Variants in SYTL5 observed in about 807,000 individuals in gnomAD.
SYTL5 encodes the protein synaptotagmin-like protein 5.
In SYTL5, 34 loss-of-function variants were observed where a neutral mutation model predicts 55.9. That is an observed-to-expected ratio of 0.61 (90% confidence interval 0.46 to 0.81). The LOEUF (loss-of-function observed/expected upper bound fraction) is 0.81, where lower values mean the gene tolerates loss of function less well. SYTL5 is among the 30% of genes least tolerant of loss of function. The probability of loss-of-function intolerance (pLI) is 0.00; values close to 1 mark genes in which losing one functional copy is unlikely to be tolerated. For missense variants in SYTL5, 637 were observed against 546.7 expected, an observed-to-expected ratio of 1.17 and a Z score of -1.65; for synonymous variants, 221 against 188.7, an observed-to-expected ratio of 1.17 and a Z score of -1.40.
chrX:38,113,431 T>A (rs1434712010), intron 13 of SYTL5, among the ~76,000 whole-genome samples: 1 of 112,004 alleles, frequency 8.9e-6, no homozygotes, highest in East Asian at 2.8e-4. Context: ...TTTGGCAGAC[T>A]TTTGTCTGTA....
chrX:38,110,547 C>A, intron 13 of SYTL5, 65 bp downstream of exon 13: 1 of 933,613 alleles, frequency 1.1e-6, no homozygotes, highest in Non-Finnish European at 1.4e-6. Flanking sequence ...ATTGATGTCA[C>A]AGACCTAAAG....
chrX:37,978,879 CAGG>C, the SYTL5 span, among the ~76,000 whole-genome samples: 1 of 111,086 alleles, frequency 9.0e-6, no homozygotes, highest in Non-Finnish European at 1.9e-5. Flanking sequence ...AATGGAGGTT[CAGG>C]AGAAGAAGGA....
At chrX:38,002,266 T>G (rs898575562), upstream of SYTL5, among the ~76,000 whole-genome samples, 1 of 112,301 alleles carries the variant, frequency 8.9e-6, no homozygotes, top group Non-Finnish European at 1.9e-5. Flanking sequence ...AGTCTAACAT[T>G]GTTGGACAGT....
intron 1 of SYTL5, among the ~76,000 whole-genome samples, chrX:38,027,478 A>G (rs1184348585): frequency 9.1e-6 from 1 of 110,447 alleles, no homozygotes; most frequent in Non-Finnish European, 1.9e-5. Flanking sequence ...GTCAGTCTAA[A>G]TTGCAGGAAA....
intron 8 of SYTL5, 144 bp from the exon 9 acceptor site, chrX:38,095,990 G>A (rs1313992623): frequency 2.7e-6 from 1 of 366,269 alleles, no homozygotes. Flanking sequence ...TGAAGTTACT[G>A]ACTCCGACTG....
At position 38,097,979 on chromosome X, in the gene SYTL5, A is replaced by G. The variant is rs1489286644; in HGVS notation, c.1062+1745A>G. Among the ~76,000 whole-genome samples the G allele has an allele frequency of 2.7e-5, 3 of 110,966 alleles. No individual in the cohort carries two copies. The East Asian group carries it at 8.4e-4, about 31-fold the overall frequency. ...CATACTGGGACAACAGGATATCCAA[A>G]TACCACAAAACATAAAAGAACTTTG... On this transcript the variant is annotated intron_variant, in intron 9 of 16. Coordinates refer to ENST00000297875, the MANE Select transcript of SYTL5 (RefSeq NM_138780.3).
At chrX:37,994,891 A>C in the SYTL5 span, 1 of 111,168 alleles carries the variant, frequency 9.0e-6, no homozygotes, top group African/African-American at 3.3e-5. Flanking sequence ...AAGCTATTAA[A>C]CTGTGTAAAT....
Position 38,096,196 on chromosome X carries a change from A to G in SYTL5, c.1024A>G (p.Ser342Gly). The change falls in exon 9 of 17, where the codon AGC (serine) becomes GGC (glycine). Residue 342 changes from serine to glycine, a missense_variant. Ser to Gly is a moderately conservative substitution (Grantham distance 56). Transcript: ENST00000297875. Reference protein sequence around the residue: ...SFTEDSEDTVSIRSKSVPGAL... With the variant: ...SFTEDSEDTVGIRSKSVPGAL... ...TACAGAAGACTCAGAGGATACTGTAAGCATAAGAAGCAAGTCTGTCCCTGG... is the reference window on the plus strand; with the variant it reads ...TACAGAAGACTCAGAGGATACTGTAGGCATAAGAAGCAAGTCTGTCCCTGG... 1 of 1,193,579 alleles carries G rather than the reference A, an allele frequency of 8.4e-7. No homozygotes were observed. Among genetic ancestry groups the G allele is most frequent in the Non-Finnish European group, 1.1e-6 (1 of 881,531 alleles).
At chrX:38,013,448 T>C (rs1602301839) in intron 1 of SYTL5, among the ~76,000 whole-genome samples, 2 of 111,791 alleles carry the variant, frequency 1.8e-5, no homozygotes, top group Admixed American at 9.4e-5. Context: ...AAACATGAAA[T>C]GTAGGTTCAG....
the SYTL5 span, among the ~76,000 whole-genome samples, chrX:37,913,049 G>A: frequency 1.8e-5 from 2 of 111,892 alleles, no homozygotes; most frequent in African/African-American, 6.5e-5. Flanking sequence ...TGGGAGGAGG[G>A]CCCTTTTGTA....
chrX:38,064,940 A>C lies in SYTL5; in HGVS notation c.330-7107A>C, dbSNP rs377504700. ...ACTGATTACTGCAATATTTACATTT[A>C]TTTCTATTATCATTGTGATTCCTGA... On this transcript the variant is annotated intron_variant, in intron 3 of 16. Coordinates refer to ENST00000297875, the MANE Select transcript of SYTL5 (RefSeq NM_138780.3). 2.4e-4 allele frequency among the ~76,000 whole-genome samples: 27 copies of C among 111,048 alleles called. No individual in the cohort carries two copies. In the South Asian group the frequency reaches 0.01, roughly 41 times the overall value.
chrX:37,916,037 T>C, the SYTL5 span, among the ~76,000 whole-genome samples: 1 of 111,365 alleles, frequency 9.0e-6, no homozygotes, highest in Non-Finnish European at 1.9e-5. Flanking sequence ...GAGCACCTAC[T>C]CTACTGTGTG....
the SYTL5 span, among the ~76,000 whole-genome samples, chrX:37,938,308 C>G: frequency 1.8e-5 from 2 of 112,370 alleles, no homozygotes; most frequent in African/African-American, 6.5e-5. Context: ...TGTAGCCCCA[C>G]TAAAGTAGAA....
chrX:38,039,947 G>A (rs111851080), intron 2 of SYTL5, among the ~76,000 whole-genome samples: 25,768 of 110,610 alleles, frequency 0.23, 5,351 homozygotes, highest in African/African-American at 0.66. Flanking sequence ...AGACCAAGGC[G>A]GGCAGATCAT....
At chrX:37,936,282 A>T in the SYTL5 span, among the ~76,000 whole-genome samples, 1 of 112,306 alleles carries the variant, frequency 8.9e-6, no homozygotes, top group East Asian at 2.8e-4. Flanking sequence ...TCTTTAGAAA[A>T]TATAATCTGC....
At chrX:38,054,151 AT>A in intron 2 of SYTL5, 61 bp from the exon 3 acceptor site, 1 of 848,297 alleles carries the variant, frequency 1.2e-6, no homozygotes, top group Non-Finnish European at 1.7e-6. Context: ...TGTTTTAGAC[AT>A]TGTAGATATC....
intron 3 of SYTL5, among the ~76,000 whole-genome samples, chrX:38,055,080 G>A (rs757577416): frequency 2.7e-5 from 3 of 111,669 alleles, no homozygotes; most frequent in African/African-American, 6.5e-5. Flanking sequence ...TTGGCTTCAC[G>A]TGGCTCCTCA....
At chrX:37,994,687 A>G in the SYTL5 span, 1 of 100,817 alleles carries the variant, frequency 9.9e-6, no homozygotes, top group Non-Finnish European at 2.1e-5. Context: ...CAATCTGAGG[A>G]GGAAGAGGAG....
At chrX:37,891,258 A>G in the SYTL5 span, among the ~76,000 whole-genome samples, 4 of 112,456 alleles carry the variant, frequency 3.6e-5, no homozygotes, top group African/African-American at 1.3e-4. Context: ...ATGTATAAAT[A>G]AAATGTGCAA....
Sources: allele counts gnomAD v4.1 joint callset (sites outside exome capture counted in the v4.1 genomes callset), GRCh38; gene constraint gnomAD v4.1.1; transcripts MANE v1.5; gene names NCBI Gene and HGNC (gene_info 2026-07-23, HGNC 2026-07-21).